Variants in FGGY observed in about 807,000 individuals in gnomAD.
FGGY encodes FGGY carbohydrate kinase domain containing.
FGGY carries 72 observed loss-of-function variants against 71.3 expected under a neutral mutation model. That is an observed-to-expected ratio of 1.01 (90% CI 0.84 to 1.23). The LOEUF is 1.23. FGGY is among the 50% of genes most tolerant of loss of function. The probability of loss-of-function intolerance (pLI) is 0.00; values close to 1 mark genes in which losing one functional copy is unlikely to be tolerated. For missense variants in FGGY, 668 were observed against 682.3 expected, an observed-to-expected ratio of 0.98 and a Z score of 0.23; for synonymous variants, 251 against 250.3, an observed-to-expected ratio of 1.00 and a Z score of -0.02.
intron 7 of FGGY, among the ~76,000 whole-genome samples, chr1:59,533,430 G>A (rs1009926275): frequency 1.3e-5 from 2 of 152,192 alleles, no homozygotes; most frequent in East Asian, 1.9e-4. Flanking sequence ...GGGGAGGGGC[G>A]CCCGCCATTG....
rs1390825900 is a variant in FGGY, at chr1:59,532,790, AT to A, written c.799+20352del. Among the ~76,000 whole-genome samples, 6 of 152,194 alleles carry A rather than the reference AT, an allele frequency of 3.9e-5. No individual in the cohort carries two copies. In the South Asian group the frequency reaches 1.2e-3, roughly 32 times the overall value. ...TATCTAGTGCAACAAGTCAAGAAAA[AT>A]AAATGGAAAATATAAGAATTAGAAA... is the stretch of plus-strand genomic sequence containing the variant. On this transcript the variant is annotated intron_variant, in intron 7 of 15. Transcript: ENST00000303721.
At chr1:59,300,500 A>C (rs1028813886) in intron 1 of FGGY, among the ~76,000 whole-genome samples, 2 of 152,232 alleles carry the variant, frequency 1.3e-5, no homozygotes, top group African/African-American at 2.4e-5. Flanking sequence ...AATTTGGTTA[A>C]ATAAATGTTA....
At chr1:59,679,779 T>C (rs532243340) in intron 14 of FGGY, among the ~76,000 whole-genome samples, 32 of 152,272 alleles carry the variant, frequency 2.1e-4, no homozygotes, top group African/African-American at 7.7e-4. Context: ...TGTAGTAAAC[T>C]TCTTTATTTA....
chr1:59,307,092 A>T (rs2043549696), intron 1 of FGGY, among the ~76,000 whole-genome samples: 1 of 152,078 alleles, frequency 6.6e-6, no homozygotes, highest in Admixed American at 6.5e-5. Context: ...AGGTGGGAGG[A>T]TAGCTTGAGC....
intron 11 of FGGY, among the ~76,000 whole-genome samples, chr1:59,651,132 C>G (rs1056943283): frequency 2.0e-5 from 3 of 151,402 alleles, no homozygotes; most frequent in Admixed American, 6.6e-5. Flanking sequence ...GTTATAATTT[C>G]TGTTCTTTTA....
intron 8 of FGGY, among the ~76,000 whole-genome samples, chr1:59,601,779 T>TA (rs2096580690): frequency 6.6e-6 from 1 of 152,220 alleles, no homozygotes; most frequent in African/African-American, 2.4e-5. Flanking sequence ...AAAACAGTAG[T>TA]TTGAAATCAG....
chr1:59,543,903 G>T (rs1322251354), intron 7 of FGGY, among the ~76,000 whole-genome samples: 1 of 152,154 alleles, frequency 6.6e-6, no homozygotes, highest in Non-Finnish European at 1.5e-5. Flanking sequence ...GGCAAGAGAA[G>T]GTTGCTGAAG....
intron 12 of FGGY, among the ~76,000 whole-genome samples, chr1:59,665,173 CT>C (rs1298224955): frequency 6.6e-6 from 1 of 151,470 alleles, no homozygotes; most frequent in Admixed American, 6.6e-5. Flanking sequence ...TTGTATGTGA[CT>C]TTTTTTTTCT....
Position 59,374,897 on chromosome 1 carries a change from G to C in FGGY, c.466-3852G>C, listed in dbSNP as rs868707734. 3.2e-3 allele frequency among the ~76,000 whole-genome samples: 406 copies of C among 126,324 alleles called. 3 individuals are homozygous for C. The highest frequency in any genetic ancestry group is 0.011 in the African/African-American group (385 of 33,856). 82.9% of individuals were successfully genotyped at this position (126,324 alleles called of 152,430 possible). The stretch of plus-strand genomic sequence containing the variant: ...CACAGGAAGGGGAACATCACACTCT[G>C]GGGACTGTTGTGGGGTGGGGGGAGG... On this transcript the variant is annotated intron_variant, in intron 4 of 15. Transcript: ENST00000303721.
chr1:59,422,824 A>G (rs898097986), intron 5 of FGGY, among the ~76,000 whole-genome samples: 4 of 152,216 alleles, frequency 2.6e-5, no homozygotes, highest in African/African-American at 9.7e-5. Context: ...AAGGCAACTG[A>G]TATTTATTGA....
At chr1:59,366,316 G>T (rs1001043584) in intron 4 of FGGY, among the ~76,000 whole-genome samples, 1 of 152,152 alleles carries the variant, frequency 6.6e-6, no homozygotes, top group Non-Finnish European at 1.5e-5. Flanking sequence ...TCTAATGGGG[G>T]TAATGCGTCT....
At chr1:59,761,057 A>G (rs1456322570) in intron 15 of FGGY, among the ~76,000 whole-genome samples, 1 of 152,226 alleles carries the variant, frequency 6.6e-6, no homozygotes, top group Non-Finnish European at 1.5e-5. Flanking sequence ...ATCACTTATT[A>G]TGAGTCAGGT....
chr1:59,677,137 A>G (rs1177486691), intron 14 of FGGY, among the ~76,000 whole-genome samples: 3 of 152,208 alleles, frequency 2.0e-5, no homozygotes. Context: ...CCCTCCAAAG[A>G]AGAGGGGCCA....
At chr1:59,347,325 C>T (rs902860627) in intron 4 of FGGY, among the ~76,000 whole-genome samples, 278 of 149,134 alleles carry the variant, frequency 1.9e-3, no homozygotes, top group African/African-American at 6.4e-3. Context: ...CTATTCCCAC[C>T]TATGAGTGAG....
At position 59,359,693 on chromosome 1, in the gene FGGY, T is replaced by C. The variant is rs140437759; in HGVS notation, c.465+13295T>C. Among the ~76,000 whole-genome samples, 454 of 152,262 alleles carry C rather than the reference T, an allele frequency of 3.0e-3. 4 individuals are homozygous for C. Among genetic ancestry groups the C allele is most frequent in the African/African-American group, 0.01 (418 of 41,538 alleles). ...CCTGTCTCTCTGAATCCTCCCTGTATGGAGAGGCTATGGATTAGATAAACT... is the reference window on the plus strand; with the variant it reads ...CCTGTCTCTCTGAATCCTCCCTGTACGGAGAGGCTATGGATTAGATAAACT... On this transcript the variant is annotated intron_variant, in intron 4 of 15. Coordinates refer to ENST00000303721, the MANE Select transcript of FGGY (RefSeq NM_018291.5).
intron 8 of FGGY, among the ~76,000 whole-genome samples, chr1:59,557,164 G>A (rs1490038618): frequency 6.6e-6 from 1 of 152,114 alleles, no homozygotes; most frequent in Non-Finnish European, 1.5e-5. Context: ...GGAGACTCAA[G>A]GACCCCCTTT....
intron 14 of FGGY, among the ~76,000 whole-genome samples, chr1:59,720,318 A>C (rs1489945368): frequency 6.6e-6 from 1 of 152,226 alleles, no homozygotes; most frequent in Non-Finnish European, 1.5e-5. Flanking sequence ...TTGAAAGCCA[A>C]GTATGTCAGG....
At chr1:59,666,043 C>T (rs2097322545) in intron 12 of FGGY, among the ~76,000 whole-genome samples, 2 of 152,294 alleles carry the variant, frequency 1.3e-5, no homozygotes, top group South Asian at 4.1e-4. Context: ...TCCTCTCCCT[C>T]ACTACATTCC....
chr1:59,518,786 G>T (rs1240465686), intron 7 of FGGY, among the ~76,000 whole-genome samples: 1 of 152,164 alleles, frequency 6.6e-6, no homozygotes, highest in African/African-American at 2.4e-5. Context: ...ACACCATCAT[G>T]CTTCCTACAC....
Sources: allele counts gnomAD v4.1 joint callset (sites outside exome capture counted in the v4.1 genomes callset), GRCh38; gene constraint gnomAD v4.1.1; transcripts MANE v1.5; gene names NCBI Gene and HGNC (gene_info 2026-07-23, HGNC 2026-07-21).